Variants in PLEKHA5 observed in about 807,000 individuals in gnomAD.
PLEKHA5 encodes the protein pleckstrin homology domain containing A5.
A neutral mutation model predicts 181.9 loss-of-function variants in PLEKHA5; 55 were observed. The observed-to-expected ratio is 0.30, with a 90% CI of 0.24 to 0.38. The LOEUF (loss-of-function observed/expected upper bound fraction) is 0.38, where lower values mean the gene tolerates loss of function less well. Ranked by LOEUF, PLEKHA5 falls within the 10% of genes least tolerant of loss-of-function variation. The probability of loss-of-function intolerance (pLI) is 1.00; values close to 1 mark genes in which losing one functional copy is unlikely to be tolerated. For missense variants in PLEKHA5, 1,432 were observed against 1,549.5 expected (o/e 0.92, Z 1.27); for synonymous variants, 535 against 529.4 (o/e 1.01, Z -0.15).
intron 3 of PLEKHA5, chr12:19,176,665 G>C (rs1343150063): frequency 6.6e-6 from 1 of 152,034 alleles, no homozygotes; most frequent in East Asian, 1.9e-4. Flanking sequence ...TGTTTTCCTT[G>C]ATAGAAGCTT....
chr12:19,145,394 C>T (rs2038654741), intron 3 of PLEKHA5, among the ~76,000 whole-genome samples: 1 of 151,998 alleles, frequency 6.6e-6, no homozygotes, highest in South Asian at 2.1e-4. Context: ...TGATTTTTCC[C>T]TTCTACCCCA....
At chr12:19,132,923 CTTT>C (rs35045706) in intron 3 of PLEKHA5, among the ~76,000 whole-genome samples, 151 of 118,260 alleles carry the variant, frequency 1.3e-3, no homozygotes, top group East Asian at 4.9e-3. Context: ...ACGTGAACAT[CTTT>C]TTTTTTTTTT....
At chr12:19,218,945 T>A (rs868726648) in intron 3 of PLEKHA5, among the ~76,000 whole-genome samples, 2 of 142,706 alleles carry the variant, frequency 1.4e-5, no homozygotes, top group African/African-American at 5.3e-5. Flanking sequence ...TTTTTTTTAA[T>A]TTTTTTTTTT....
intron 3 of PLEKHA5, among the ~76,000 whole-genome samples, chr12:19,217,848 T>C (rs2058241525): frequency 1.3e-5 from 2 of 152,214 alleles, no homozygotes; most frequent in South Asian, 4.1e-4. Context: ...GGAAGAAGTG[T>C]GCTTTTTAAA....
intron 10 of PLEKHA5, among the ~76,000 whole-genome samples, chr12:19,270,622 T>C (rs929805361): frequency 9.2e-5 from 14 of 152,198 alleles, no homozygotes; most frequent in Non-Finnish European, 1.9e-4. Flanking sequence ...TCAGTATAGC[T>C]AGTTAGAGGA....
intron 11 of PLEKHA5, among the ~76,000 whole-genome samples, chr12:19,277,899 G>T (rs1414298600): frequency 6.6e-6 from 1 of 152,180 alleles, no homozygotes; most frequent in Non-Finnish European, 1.5e-5. Context: ...CCATTGTTCT[G>T]CATGGCAGAA....
intron 15 of PLEKHA5, among the ~76,000 whole-genome samples, chr12:19,297,138 A>G (rs956628910): frequency 6.6e-6 from 1 of 152,124 alleles, no homozygotes; most frequent in Non-Finnish European, 1.5e-5. Context: ...AATGCTTCAC[A>G]TGCTTTTGGT....
chr12:19,206,477 T>G (rs1383777085), intron 3 of PLEKHA5, among the ~76,000 whole-genome samples: 2 of 152,094 alleles, frequency 1.3e-5, no homozygotes, highest in African/African-American at 4.8e-5. Context: ...ATTACCATAT[T>G]TATTTCCTTC....
Position 19,186,560 on chromosome 12 carries a change from C to G in PLEKHA5, c.227+54110C>G, listed in dbSNP as rs187231484. 1.2e-3 allele frequency among the ~76,000 whole-genome samples: 185 copies of G among 152,294 alleles called. 1 individual carries two copies. Among genetic ancestry groups the G allele is most frequent in the Admixed American group, 0.011 (163 of 15,298 alleles). ...TTCTTCTATAGAATAATGCCAACTA[C>G]TTTCTAATTAGTAGCTAGAAGAAAT... On this transcript the variant is annotated intron_variant, in intron 3 of 31. Coordinates refer to ENST00000429027, the MANE Select transcript of PLEKHA5 (RefSeq NM_001256470.2).
intron 3 of PLEKHA5, among the ~76,000 whole-genome samples, chr12:19,235,642 GA>G (rs1355297842): frequency 6.6e-6 from 1 of 152,208 alleles, no homozygotes; most frequent in Non-Finnish European, 1.5e-5. Context: ...CCTGTGGTCA[GA>G]AAACTGTTGA....
At chr12:19,160,429 T>A (rs997100080) in intron 3 of PLEKHA5, among the ~76,000 whole-genome samples, 1 of 152,102 alleles carries the variant, frequency 6.6e-6, no homozygotes, top group Non-Finnish European at 1.5e-5. Flanking sequence ...ATATACTCCT[T>A]GAAAAAATGT....
At chr12:19,215,165 A>G (rs2057715537) in intron 3 of PLEKHA5, among the ~76,000 whole-genome samples, 1 of 150,852 alleles carries the variant, frequency 6.6e-6, no homozygotes, top group Non-Finnish European at 1.5e-5. Flanking sequence ...AGACAGAGTG[A>G]GATTCCGTCT....
At chr12:19,167,871 G>A (rs757667252) in intron 3 of PLEKHA5, among the ~76,000 whole-genome samples, 3 of 152,136 alleles carry the variant, frequency 2.0e-5, no homozygotes, top group Non-Finnish European at 4.4e-5. Context: ...GTCATTGGGT[G>A]GCTGGAGGTT....
At chr12:19,204,009 T>C (rs1274607679) in intron 3 of PLEKHA5, among the ~76,000 whole-genome samples, 2 of 152,072 alleles carry the variant, frequency 1.3e-5, no homozygotes, top group African/African-American at 2.4e-5. Flanking sequence ...TGACACATTT[T>C]AATTTTTGCG....
chr12:19,304,110 A>G (rs1054012151), intron 15 of PLEKHA5, among the ~76,000 whole-genome samples: 2 of 150,586 alleles, frequency 1.3e-5, no homozygotes, highest in Admixed American at 6.6e-5. Flanking sequence ...CGCATGGCCG[A>G]GACCCCATCT....
intron 15 of PLEKHA5, among the ~76,000 whole-genome samples, chr12:19,301,331 T>G (rs1395020736): frequency 6.6e-6 from 1 of 152,210 alleles, no homozygotes; most frequent in African/African-American, 2.4e-5. Flanking sequence ...ATTTCAAACC[T>G]TATGTTCACA....
chr12:19,203,854 A>G lies in PLEKHA5; in HGVS notation c.228-50086A>G, dbSNP rs1446373093. On this transcript the variant is annotated intron_variant, in intron 3 of 31. Coordinates refer to ENST00000429027, the MANE Select transcript of PLEKHA5 (RefSeq NM_001256470.2). The stretch of plus-strand genomic sequence containing the variant: ...CTTAGAGATCACAGTTAGATTTTTT[A>G]TTTGTTTCTTTTTAGTGAAGAATTT... Among the ~76,000 whole-genome samples the G allele has an allele frequency of 2.1e-5, 3 of 141,176 alleles. No individual in the cohort carries two copies. In the Admixed American group the frequency reaches 2.2e-4, roughly 10 times the overall value. The allele number at this position is 141,176 out of a possible 152,430, so 92.6% of individuals were successfully genotyped here. A position where few individuals can be genotyped will look rare whatever the true frequency, so the allele number is the denominator to read the frequency against.
At chr12:19,138,532 C>T (rs1297621223) in intron 3 of PLEKHA5, among the ~76,000 whole-genome samples, 1 of 150,566 alleles carries the variant, frequency 6.6e-6, no homozygotes, top group Non-Finnish European at 1.5e-5. Flanking sequence ...GAGATCACGC[C>T]ACTGCACTCC....
chr12:19,302,244 T>C (rs117897559), intron 15 of PLEKHA5, among the ~76,000 whole-genome samples: 5 of 152,358 alleles, frequency 3.3e-5, no homozygotes, highest in Non-Finnish European at 5.9e-5. Context: ...ATGGGTCTTC[T>C]TCTTAGTTAA....
Sources: allele counts gnomAD v4.1 joint callset (sites outside exome capture counted in the v4.1 genomes callset), GRCh38; gene constraint gnomAD v4.1.1; transcripts MANE v1.5; gene names NCBI Gene and HGNC (gene_info 2026-07-23, HGNC 2026-07-21).